Variants in CSMD1 observed in about 807,000 individuals in gnomAD.
CSMD1 encodes CUB and Sushi multiple domains 1, also known as CUB and sushi domain-containing protein 1.
CSMD1 carries 213 observed loss-of-function variants against 417.5 expected under a neutral mutation model. The observed-to-expected ratio is 0.51, with a 90% CI of 0.46 to 0.57. CSMD1 has a LOEUF of 0.57. CSMD1 is among the 20% of genes least tolerant of loss of function. The pLI is 0.00. For synonymous variants in CSMD1, 2,862 were observed against 1,736.8 expected, an observed-to-expected ratio of 1.65 and a Z score of -16.11; for missense variants, 6,923 against 4,529.7, an observed-to-expected ratio of 1.53 and a Z score of -15.17.
intron 3 of CSMD1, among the ~76,000 whole-genome samples, chr8:4,041,340 A>T (rs940031960): frequency 1.6e-4 from 25 of 152,252 alleles, no homozygotes; most frequent in African/African-American, 6.0e-4. Context: ...TTTAAACACT[A>T]GAAGAATTAA....
chr8:3,471,524 C>G (rs1175351335), intron 11 of CSMD1, among the ~76,000 whole-genome samples: 1 of 150,638 alleles, frequency 6.6e-6, no homozygotes, highest in Non-Finnish European at 1.5e-5. Flanking sequence ...TTCCTTCCTT[C>G]GTTCCTTCCT....
At chr8:4,527,068 T>C (rs1156551650) in intron 2 of CSMD1, among the ~76,000 whole-genome samples, 1 of 152,204 alleles carries the variant, frequency 6.6e-6, no homozygotes, top group Non-Finnish European at 1.5e-5. Context: ...TGTGTCTGGA[T>C]CCAAGACATA....
At chr8:4,728,800 T>A (rs1344097599) in intron 1 of CSMD1, among the ~76,000 whole-genome samples, 2 of 151,720 alleles carry the variant, frequency 1.3e-5, no homozygotes, top group Non-Finnish European at 2.9e-5. Context: ...CCTAAAAAAC[T>A]CAAACTCCTT....
At chr8:4,292,489 T>C (rs1175280278) in intron 3 of CSMD1, among the ~76,000 whole-genome samples, 3 of 152,106 alleles carry the variant, frequency 2.0e-5, no homozygotes, top group Non-Finnish European at 2.9e-5. Context: ...GCTGACCTCG[T>C]AATCTGCCTG....
chr8:4,341,743 G>C (rs972891250), intron 3 of CSMD1, among the ~76,000 whole-genome samples: 1 of 152,096 alleles, frequency 6.6e-6, no homozygotes, highest in Non-Finnish European at 1.5e-5. Flanking sequence ...GAATTAGGCA[G>C]TTAGGGTGCA....
At chr8:3,077,496 GT>G (rs1813767077) in intron 49 of CSMD1, among the ~76,000 whole-genome samples, 5 of 152,220 alleles carry the variant, frequency 3.3e-5, no homozygotes, top group Non-Finnish European at 5.9e-5. Context: ...CATTCTCCCT[GT>G]GATGGTCTCT....
intron 5 of CSMD1, among the ~76,000 whole-genome samples, chr8:3,852,173 G>C (rs774547811): frequency 2.0e-5 from 3 of 152,154 alleles, no homozygotes; most frequent in Non-Finnish European, 4.4e-5. Context: ...CAAGAATCTA[G>C]TGGAAGTACG....
chr8:4,257,947 A>G (rs1311966067), intron 3 of CSMD1, among the ~76,000 whole-genome samples: 1 of 152,148 alleles, frequency 6.6e-6, no homozygotes, highest in Non-Finnish European at 1.5e-5. Flanking sequence ...TTTCAAAATC[A>G]TTAGAATCTT....
At chr8:4,793,165 G>A (rs923659354) in intron 1 of CSMD1, among the ~76,000 whole-genome samples, 2 of 152,008 alleles carry the variant, frequency 1.3e-5, no homozygotes, top group African/African-American at 4.8e-5. Flanking sequence ...AACCTTCAAT[G>A]TCCTTGATCA....
intron 26 of CSMD1, among the ~76,000 whole-genome samples, chr8:3,256,400 C>T (rs1800659743): frequency 6.6e-6 from 1 of 152,014 alleles, no homozygotes; most frequent in South Asian, 2.1e-4. Context: ...AGACACTGTG[C>T]CCCAGCAGTA....
At chr8:4,227,156 G>T (rs1585056462) in intron 3 of CSMD1, among the ~76,000 whole-genome samples, 1 of 152,220 alleles carries the variant, frequency 6.6e-6, no homozygotes, top group East Asian at 1.9e-4. Context: ...AAGCACTCAG[G>T]CTGCCTCTTT....
At chr8:3,148,521 T>G (rs1177614454) in intron 40 of CSMD1, among the ~76,000 whole-genome samples, 6 of 152,312 alleles carry the variant, frequency 3.9e-5, no homozygotes, top group African/African-American at 1.4e-4. Flanking sequence ...CTCATGACGC[T>G]GCTTTAAAAC....
At chr8:4,044,408 GT>G (rs1798042963) in intron 3 of CSMD1, among the ~76,000 whole-genome samples, 1 of 152,084 alleles carries the variant, frequency 6.6e-6, no homozygotes, top group African/African-American at 2.4e-5. Context: ...AGTCTACTTT[GT>G]GTCATTCCAA....
intron 12 of CSMD1, among the ~76,000 whole-genome samples, chr8:3,433,738 T>C (rs956667119): frequency 1.3e-5 from 2 of 152,212 alleles, no homozygotes; most frequent in African/African-American, 2.4e-5. Context: ...TGAAGTTAAA[T>C]TCAGGCTTGT....
At chr8:3,465,137 C>A (rs1430337674) in intron 12 of CSMD1, among the ~76,000 whole-genome samples, 1 of 152,132 alleles carries the variant, frequency 6.6e-6, no homozygotes, top group Non-Finnish European at 1.5e-5. Context: ...GTGTTTGCTG[C>A]TGGGGCCTCA....
rs1805811373 is a variant in CSMD1 at position 3,316,942 on chromosome 8, G to C, written c.3632-8439C>G. ...GAAAATCTGCAAAAGTATTTATTTA[G>C]TGCTGGAAAGGAGCCTGTGTCAGTG... On this transcript the variant is annotated intron_variant, in intron 23 of 69. Transcript: ENST00000635120. Among the ~76,000 whole-genome samples, 5 of 152,168 alleles carry C rather than the reference G, an allele frequency of 3.3e-5. No individual in the cohort carries two copies. In the South Asian group the frequency reaches 8.3e-4, roughly 25 times the overall value.
intron 6 of CSMD1, among the ~76,000 whole-genome samples, chr8:3,751,356 C>T (rs1176181284): frequency 1.4e-5 from 2 of 141,216 alleles, no homozygotes; most frequent in African/African-American, 2.6e-5. Flanking sequence ...GAACACACAT[C>T]TACATCTATA....
intron 3 of CSMD1, among the ~76,000 whole-genome samples, chr8:4,292,943 G>T (rs551057731): frequency 6.6e-6 from 1 of 152,170 alleles, no homozygotes; most frequent in Admixed American, 6.5e-5. Context: ...AAACCAACAA[G>T]GGACCCACAA....
At chr8:3,571,037 G>A (rs556925175) in intron 10 of CSMD1, among the ~76,000 whole-genome samples, 7 of 152,294 alleles carry the variant, frequency 4.6e-5, no homozygotes, top group Non-Finnish European at 1.0e-4. Context: ...TTTGGAAAGT[G>A]GAAACTGTGG....
Sources: gnomAD v4.1 joint callset for allele counts (sites outside exome capture counted in the v4.1 genomes callset) on GRCh38, gnomAD v4.1.1 for gene constraint, MANE v1.5 for transcripts, NCBI Gene and HGNC (gene_info 2026-07-23, HGNC 2026-07-21) for gene names.